DPP6: variants seen among roughly 807,000 people sequenced by gnomAD.
DPP6 encodes the protein dipeptidyl peptidase like 6.
Under a neutral mutation model 122.6 loss-of-function variants are expected in DPP6, and 69 were observed. The ratio of observed to expected loss-of-function variants is 0.56; its 90% CI spans 0.46 to 0.69. The LOEUF (loss-of-function observed/expected upper bound fraction) is 0.69. Among genes scored for constraint, DPP6 ranks in the 30% least tolerant of loss-of-function variants. DPP6 has a pLI of 0.00. For synonymous variants in DPP6, 418 were observed against 433.1 expected (o/e 0.97, Z 0.43); for missense variants, 928 against 1,116.9 (o/e 0.83, Z 2.41).
intron 1 of DPP6, among the ~76,000 whole-genome samples, chr7:154,027,756 T>C (rs1180310025): frequency 6.6e-6 from 1 of 151,742 alleles, no homozygotes; most frequent in East Asian, 1.9e-4. Context: ...TCTGGGCAGG[T>C]GGTTTGTCCC....
rs1795487310 is a variant in DPP6 at position 154,760,738 on chromosome 7, C to T, written c.884-8679C>T. On this transcript the variant is annotated intron_variant, in intron 8 of 25. Coordinates refer to ENST00000377770, the MANE Select transcript of DPP6 (RefSeq NM_130797.4). The surrounding 1 kb of genome is among the most constrained non-coding windows in gnomAD (Gnocchi z 4.5). ...GGCCCAGAAGTTCTGGAAGCTCCCT[C>T]AGGTGCCCACAACACAAATGAAGAG... 6.6e-6 allele frequency among the ~76,000 whole-genome samples: 1 copy of T among 151,938 alleles called. No homozygotes were observed. Among genetic ancestry groups the T allele is most frequent in the African/African-American group, 2.4e-5 (1 of 41,356 alleles).
intron 1 of DPP6, among the ~76,000 whole-genome samples, chr7:154,323,697 C>A (rs1435743818): frequency 6.6e-6 from 1 of 152,194 alleles, no homozygotes; most frequent in Non-Finnish European, 1.5e-5. Context: ...CAGATTTCAG[C>A]CTTAGTTCCT....
intron 6 of DPP6, among the ~76,000 whole-genome samples, chr7:154,646,042 A>AAAAAAAAAAAAAG (rs1252437695): frequency 1.3e-5 from 2 of 150,430 alleles, no homozygotes; most frequent in African/African-American, 4.9e-5. Flanking sequence ...AAAAAAAAAA[A>AAAAAAAAAAAAAG]AAAGAAAATA....
chr7:154,692,776 T>G (rs1840003003), intron 7 of DPP6, among the ~76,000 whole-genome samples: 1 of 139,774 alleles, frequency 7.2e-6, no homozygotes, highest in African/African-American at 3.0e-5. Context: ...TATTATTCTC[T>G]CTCTCTTTTT....
At chr7:153,862,895 C>CA in the DPP6 span, among the ~76,000 whole-genome samples, 170 of 150,568 alleles carry the variant, frequency 1.1e-3, 1 homozygote, top group South Asian at 1.3e-3. Flanking sequence ...TTCCTTAATG[C>CA]AAAAAAAATC....
chr7:153,789,515 A>C, the DPP6 span, among the ~76,000 whole-genome samples: 1 of 152,214 alleles, frequency 6.6e-6, no homozygotes, highest in Non-Finnish European at 1.5e-5. Context: ...ATTTATGAGA[A>C]ATAAGACAAT....
chr7:154,431,447 T>C (rs78130278), intron 1 of DPP6, among the ~76,000 whole-genome samples: 55 of 760 alleles, frequency 0.072, no homozygotes, highest in African/African-American at 0.24. Flanking sequence ...CTTTCCTTTC[T>C]TTTCTTTTCT....
At chr7:153,845,807 A>G in the DPP6 span, among the ~76,000 whole-genome samples, 1 of 152,132 alleles carries the variant, frequency 6.6e-6, no homozygotes, top group Non-Finnish European at 1.5e-5. Flanking sequence ...TTTCTTTTTC[A>G]AATTAACCAT....
Position 154,095,720 on chromosome 7 carries a change from G to C in DPP6, c.243+42657G>C, listed in dbSNP as rs552094303. 1.8e-5 allele frequency: 2 copies of C among 111,406 alleles called. 1 individual carries two copies. The highest frequency in any genetic ancestry group is 1.9e-4 in the Admixed American group (2 of 10,380). The allele number at this position is 111,406 out of a possible 1,614,324, so 6.9% of individuals were successfully genotyped here. A position where few individuals can be genotyped will look rare whatever the true frequency, so the allele number is the denominator to read the frequency against. On this transcript the variant is annotated intron_variant, in intron 1 of 25. Transcript: ENST00000377770. ...CTTTTTCCTGGGAGGCGGCCTTGGC[G>C]TGTCCCTGAGACCTCCTGTGATGCT...
At chr7:154,226,575 A>G (rs1467533205) in intron 1 of DPP6, among the ~76,000 whole-genome samples, 2 of 152,170 alleles carry the variant, frequency 1.3e-5, no homozygotes, top group Non-Finnish European at 2.9e-5. Flanking sequence ...ATTGCAATCC[A>G]TGTAGTATGG....
chr7:154,831,783 G>A (rs1290958645), intron 16 of DPP6, among the ~76,000 whole-genome samples: 1 of 152,102 alleles, frequency 6.6e-6, no homozygotes, highest in Non-Finnish European at 1.5e-5. Context: ...TGTAACTGAG[G>A]AATCAAACCC....
rs1805170440 is a variant in DPP6 at position 154,879,454 on chromosome 7, G to A, written c.2079-1434G>A. ...AAATACAAAAAATTAGCCGGGCGAG[G>A]TGGCGGGCACCTGTAGTCCCAGCTA... On this transcript the variant is annotated intron_variant, in intron 20 of 25. Coordinates refer to ENST00000377770, the MANE Select transcript of DPP6 (RefSeq NM_130797.4). Among the ~76,000 whole-genome samples, 2 of 135,350 alleles carry A rather than the reference G, an allele frequency of 1.5e-5. 1 individual carries two copies. Among genetic ancestry groups the A allele is most frequent in the African/African-American group, 5.9e-5 (2 of 33,988 alleles). The allele number at this position is 135,350 out of a possible 152,430, so 88.8% of individuals were successfully genotyped here. A position where few individuals can be genotyped will look rare whatever the true frequency, so the allele number is the denominator to read the frequency against.
chr7:154,442,102 C>T (rs1445392515), intron 1 of DPP6, among the ~76,000 whole-genome samples: 1 of 152,144 alleles, frequency 6.6e-6, no homozygotes, highest in African/African-American at 2.4e-5. Flanking sequence ...TTTCTGCATC[C>T]ATCAATGATT....
At chr7:153,862,942 A>C in the DPP6 span, among the ~76,000 whole-genome samples, 1 of 152,202 alleles carries the variant, frequency 6.6e-6, no homozygotes, top group South Asian at 2.1e-4. Context: ...ATAGACCAAC[A>C]GGGAAAAATA....
intron 1 of DPP6, among the ~76,000 whole-genome samples, chr7:153,956,901 T>A (rs79518553): frequency 0.022 from 3,416 of 152,288 alleles, 124 homozygotes; most frequent in African/African-American, 0.078. Flanking sequence ...TCTAACCAGC[T>A]CCTTACAAAC....
intron 1 of DPP6, among the ~76,000 whole-genome samples, chr7:154,169,765 C>G (rs1476290853): frequency 1.3e-5 from 2 of 152,284 alleles, no homozygotes; most frequent in Non-Finnish European, 2.9e-5. Context: ...GAGTCTCACT[C>G]TGTCACCCAG....
intron 2 of DPP6, among the ~76,000 whole-genome samples, chr7:154,470,630 G>T (rs1428741553): frequency 1.3e-5 from 2 of 152,184 alleles, no homozygotes; most frequent in African/African-American, 2.4e-5. Flanking sequence ...TGAGAAATTT[G>T]CATTACACAT....
chr7:153,935,762 C>T (rs1026736797), intron 1 of DPP6, among the ~76,000 whole-genome samples: 2 of 152,220 alleles, frequency 1.3e-5, no homozygotes, highest in Admixed American at 1.3e-4. Flanking sequence ...CCACCACGCG[C>T]TGCTCTCCCG....
intron 1 of DPP6, among the ~76,000 whole-genome samples, chr7:154,264,628 GATGATGTTA>G (rs1322258527): frequency 3.3e-5 from 5 of 152,118 alleles, no homozygotes; most frequent in East Asian, 3.9e-4. Flanking sequence ...TGATGGTGAT[GATGATGTTA>G]ATGATGTTAA....
Sources: gnomAD v4.1 joint callset for allele counts (sites outside exome capture counted in the v4.1 genomes callset) on GRCh38, gnomAD v4.1.1 for gene constraint, Gnocchi (gnomAD v3.1) non-coding constraint, MANE v1.5 for transcripts, NCBI Gene and HGNC (gene_info 2026-07-23, HGNC 2026-07-21) for gene names.